THTPA: variants seen among roughly 807,000 people sequenced by gnomAD.
THTPA encodes the protein thiamine-triphosphatase.
A neutral mutation model predicts 16.5 loss-of-function variants in THTPA; 16 were observed. The ratio of observed to expected loss-of-function variants is 0.97; its 90% CI spans 0.66 to 1.47. The LOEUF (loss-of-function observed/expected upper bound fraction) is 1.47. THTPA is among the 40% of genes most tolerant of loss of function. THTPA has a pLI of 0.00. For synonymous variants in THTPA, 110 were observed against 115.5 expected, an observed-to-expected ratio of 0.95 and a Z score of 0.30; for missense variants, 281 against 280.9, an observed-to-expected ratio of 1.00 and a Z score of 0.00.
chr14:23,555,354 A>T (rs1286181234), upstream of THTPA, among the ~76,000 whole-genome samples: 1 of 152,144 alleles, frequency 6.6e-6, no homozygotes, highest in Non-Finnish European at 1.5e-5. Flanking sequence ...CTGCTTAGGG[A>T]CCGCTGGAAA....
At chr14:23,532,452 TC>T in the THTPA span, 105 of 1,289,794 alleles carry the variant, frequency 8.1e-5, no homozygotes, top group Non-Finnish European at 1.0e-4. Flanking sequence ...GTGCATACTT[TC>T]CTTTTTCTCC....
At position 23,557,195 on chromosome 14, in the gene THTPA, G is replaced by C. The variant is rs772377715; in HGVS notation, c.438G>C (p.Leu146Phe). 6.2e-7 allele frequency: 1 copy of C among 1,613,958 alleles called. No individual in the cohort carries two copies. Among genetic ancestry groups the C allele is most frequent in the Non-Finnish European group, 8.5e-7 (1 of 1,180,028 alleles). ...AGGAGCCACAGCTCAGGGTGGACTT[G>C]GATACAGCCGACTTTGGCTACGCTG... ...DEEEPQLRVD[L>F]DTADFGYAVG... The change falls in exon 1 of 2, where the codon TTG becomes TTC. Residue 146 changes from leucine to phenylalanine, a missense_variant. Transcript: ENST00000288014.
chr14:23,517,051 C>G, the THTPA span, among the ~76,000 whole-genome samples: 1 of 152,140 alleles, frequency 6.6e-6, no homozygotes, highest in South Asian at 2.1e-4. Context: ...CTATACTCAA[C>G]CTGCTTCCCC....
the THTPA span, among the ~76,000 whole-genome samples, chr14:23,518,089 G>C: frequency 6.6e-6 from 1 of 152,168 alleles, no homozygotes; most frequent in Non-Finnish European, 1.5e-5. The surrounding 1 kb of genome is among the most constrained non-coding windows in gnomAD (Gnocchi z 4.5). Flanking sequence ...TGCCCATGGG[G>C]CCCCATCCTT....
chr14:23,559,129 G>A lies in THTPA; in HGVS notation c.*289G>A. The A allele has an allele frequency of 2.7e-6, 1 of 372,900 alleles. No individual in the cohort carries two copies. Among genetic ancestry groups the A allele is most frequent in the Non-Finnish European group, 4.9e-6 (1 of 202,668 alleles). The allele number at this position is 372,900 out of a possible 1,614,324, so 23.1% of individuals were successfully genotyped here. On this transcript the variant is annotated 3_prime_UTR_variant, in exon 2 of 2. Coordinates refer to ENST00000288014, the MANE Select transcript of THTPA (RefSeq NM_024328.6). ...GATTTCCACTTAGCCGTGATCAGTAGTTAAGCACAGGAAAATCCCTTGCCA... is the reference window on the plus strand; with the variant it reads ...GATTTCCACTTAGCCGTGATCAGTAATTAAGCACAGGAAAATCCCTTGCCA...
upstream of THTPA, among the ~76,000 whole-genome samples, chr14:23,554,879 G>A (rs1254155550): frequency 2.0e-5 from 3 of 152,312 alleles, no homozygotes; most frequent in Middle Eastern, 3.4e-3. Flanking sequence ...CAGACATATA[G>A]TTAGAGTCTC....
chr14:23,525,693 T>C, the THTPA span: 2 of 1,529,152 alleles, frequency 1.3e-6, no homozygotes, highest in Non-Finnish European at 1.8e-6. The surrounding 1 kb of genome is among the most constrained non-coding windows in gnomAD (Gnocchi z 5.9). Context: ...TTACCCTCTT[T>C]GGCCATGGGG....
chr14:23,534,131 C>T, the THTPA span: 6 of 1,478,986 alleles, frequency 4.1e-6, no homozygotes, highest in Non-Finnish European at 5.4e-6. This position sits in a 1 kb window ranked among gnomAD's most constrained non-coding sequence, Gnocchi z 4.5. Flanking sequence ...AGAGTGCCCC[C>T]CTCCTTGGAG....
chr14:23,524,945 G>T, the THTPA span: 1 of 1,536,300 alleles, frequency 6.5e-7, no homozygotes, highest in East Asian at 2.4e-5. The surrounding 1 kb of genome is among the most constrained non-coding windows in gnomAD (Gnocchi z 5.6). Context: ...GGCTCCCCCA[G>T]TGCCTCCTCC....
the THTPA span, chr14:23,522,027 C>T: frequency 1.2e-5 from 18 of 1,536,274 alleles, no homozygotes; most frequent in Non-Finnish European, 9.6e-6. Context: ...GGTAATCTTG[C>T]TTCCTCTTTG....
rs1222520299 is a variant in THTPA at position 23,556,856 on chromosome 14, C to A, written c.99C>A (p.Val33=). 3 of 1,613,190 alleles carry A rather than the reference C, an allele frequency of 1.9e-6. No homozygotes were observed. Among genetic ancestry groups the A allele is most frequent in the Non-Finnish European group, 2.5e-6 (3 of 1,179,592 alleles). The change falls in exon 1 of 2, where the codon GTC becomes GTA. Residue 33 remains valine, a synonymous_variant. Transcript: ENST00000288014. ...QELGGTLEYR[V]TFRDTYYDTP... is the part of the protein sequence containing the mutation. ...TGGGGGGCACCCTGGAGTACCGGGT[C>A]ACCTTCCGAGACACCTACTATGACA...
At chr14:23,522,722 G>T in the THTPA span, 1 of 1,536,618 alleles carries the variant, frequency 6.5e-7, no homozygotes, top group Non-Finnish European at 8.7e-7. Flanking sequence ...GGAGGAGCTG[G>T]TGGGGCCTGC....
chr14:23,559,895 T>C lies in THTPA; in HGVS notation c.*1055T>C, dbSNP rs1883242854. 2 of 1,611,178 alleles carry C rather than the reference T, an allele frequency of 1.2e-6. No homozygotes were observed. Among genetic ancestry groups the C allele is most frequent in the Non-Finnish European group, 1.7e-6 (2 of 1,177,668 alleles). ...GACCAGGGTTAGCACCCACGGCTTC[T>C]TCTATCCCTGGGTCTTGTCTTGGGG... On this transcript the variant is annotated 3_prime_UTR_variant, in exon 2 of 2. Transcript: ENST00000288014.
the THTPA span, chr14:23,512,741 C>CATAT: frequency 6.7e-6 from 1 of 148,234 alleles, no homozygotes; most frequent in Admixed American, 6.8e-5. Flanking sequence ...TATATATATG[C>CATAT]ATATATATGT....
At chr14:23,530,585 A>C in the THTPA span, 2 of 408,624 alleles carry the variant, frequency 4.9e-6, no homozygotes, top group South Asian at 2.0e-5. Flanking sequence ...CAGCTGCTGC[A>C]GTGAGCAGGA....
At position 23,558,682 on chromosome 14, in the gene THTPA, C is replaced by T. The variant is rs1428476771; in HGVS notation, c.548-13C>T. ...TCTGTCCATTTCTCTCCTCATTGTC[C>T]TTTTACCTGTAGGTGTGCCTGCACA... On this transcript the variant is annotated splice_polypyrimidine_tract_variant and intron_variant, in intron 1 of 1. Transcript: ENST00000288014. The T allele has an allele frequency of 1.2e-6, 2 of 1,613,982 alleles. No individual in the cohort carries two copies. Among genetic ancestry groups the T allele is most frequent in the East Asian group, 2.2e-5 (1 of 44,894 alleles).
intron 1 of THTPA, among the ~76,000 whole-genome samples, chr14:23,558,222 A>G (rs1595220500): frequency 6.6e-6 from 1 of 152,350 alleles, no homozygotes; most frequent in East Asian, 1.9e-4. Context: ...TAGAGGCGAG[A>G]ATTCTATGTG....
the THTPA span, among the ~76,000 whole-genome samples, chr14:23,542,722 C>T: frequency 1.3e-5 from 2 of 152,026 alleles, no homozygotes; most frequent in African/African-American, 4.8e-5. Flanking sequence ...ATTTGGTCTC[C>T]CAGAACTTGG....
the THTPA span, chr14:23,528,480 G>T: frequency 1.8e-6 from 1 of 545,844 alleles, no homozygotes. Context: ...CCCCCACCTT[G>T]GATTTAGTTT....
Sources: gnomAD v4.1 joint callset for allele counts (sites outside exome capture counted in the v4.1 genomes callset) on GRCh38, gnomAD v4.1.1 for gene constraint, Gnocchi (gnomAD v3.1) non-coding constraint, MANE v1.5 for transcripts, NCBI Gene and HGNC (gene_info 2026-07-23, HGNC 2026-07-21) for gene names.